The following ABL1 variants were observed in gnomAD, a reference collection of about 807,000 sequenced individuals.
ABL1 encodes the protein tyrosine-protein kinase ABL1.
In ABL1, 11 loss-of-function variants were observed where a neutral mutation model predicts 94.7. That is an observed-to-expected ratio of 0.12 (90% CI 0.07 to 0.19). The LOEUF (loss-of-function observed/expected upper bound fraction) is 0.19. Among genes scored for constraint, ABL1 ranks in the 10% least tolerant of loss-of-function variants. ABL1 has a pLI of 1.00. For missense variants in ABL1, 1,082 were observed against 1,489.4 expected (o/e 0.73, Z 4.50); for synonymous variants, 656 against 622.4 (o/e 1.05, Z -0.80).
chr9:130,822,079 C>T (rs957839693), intron 1 of ABL1, among the ~76,000 whole-genome samples: 1 of 152,086 alleles, frequency 6.6e-6, no homozygotes, highest in Non-Finnish European at 1.5e-5. Context: ...ACCTCGTGAT[C>T]TGCCTGCCTC....
rs542839622 is a variant in ABL1 at position 130,779,314 on chromosome 9, A to G, written c.136+64859A>G. 1.2e-3 allele frequency among the ~76,000 whole-genome samples: 180 copies of G among 152,364 alleles called. 2 individuals are homozygous for G. In the Middle Eastern group the frequency reaches 0.014, roughly 12 times the overall value. On this transcript the variant is annotated intron_variant, in intron 1 of 10. Transcript: ENST00000372348. Reference sequence around the variant, plus strand: ...CGAAGATCCACAGAGGGAGAAAGAAAGATACTGGAAAAGCAGCAGCACAGT... The same window carrying G: ...CGAAGATCCACAGAGGGAGAAAGAAGGATACTGGAAAAGCAGCAGCACAGT...
intron 1 of ABL1, among the ~76,000 whole-genome samples, chr9:130,756,526 C>G (rs941375289): frequency 6.6e-6 from 1 of 152,146 alleles, no homozygotes; most frequent in Non-Finnish European, 1.5e-5. Flanking sequence ...TATTCCAAGC[C>G]ACTGAGCTCT....
chr9:130,799,701 G>A (rs558220820), intron 1 of ABL1, among the ~76,000 whole-genome samples: 92 of 152,218 alleles, frequency 6.0e-4, no homozygotes, highest in African/African-American at 2.1e-3. Flanking sequence ...ATGATAAAGT[G>A]TGTAACTTAT....
Position 130,786,857 on chromosome 9 carries a change from A to G in ABL1, c.137-67207A>G, listed in dbSNP as rs74776242. ...TATAGTAACTTAATAAGTGAAAAAA[A>G]CATCTTGGACCAATAAGGATGGAAG... On this transcript the variant is annotated intron_variant, in intron 1 of 10. Transcript: ENST00000372348. 8.3e-3 allele frequency among the ~76,000 whole-genome samples: 1,268 copies of G among 152,350 alleles called. 20 individuals carry two copies. Among genetic ancestry groups the G allele is most frequent in the African/African-American group, 0.029 (1,200 of 41,578 alleles).
intron 1 of ABL1, among the ~76,000 whole-genome samples, chr9:130,717,654 G>C (rs975277334): frequency 6.7e-6 from 1 of 150,326 alleles, no homozygotes; most frequent in Non-Finnish European, 1.5e-5. Flanking sequence ...CGTGTCTCTG[G>C]GGGGTAAAAA....
chr9:130,871,131 G>A (rs1054993624), intron 4 of ABL1, among the ~76,000 whole-genome samples: 1 of 152,232 alleles, frequency 6.6e-6, no homozygotes, highest in African/African-American at 2.4e-5. Context: ...AAACTTGGAG[G>A]CATCTCGCTT....
intron 1 of ABL1, chr9:130,714,609 A>G: frequency 3.8e-6 from 4 of 1,060,570 alleles, no homozygotes; most frequent in South Asian, 1.3e-5. Context: ...CTTTCTTTGT[A>G]TAAGAAAAAG....
chr9:130,863,086 C>T lies in ABL1; in HGVS notation c.822+51C>T. ...CAGGGTACGTGGGGCAAGGCGTCTGCTGGCATTAGGCGATGCATCTGCCTG... is the reference window on the plus strand; with the variant it reads ...CAGGGTACGTGGGGCAAGGCGTCTGTTGGCATTAGGCGATGCATCTGCCTG... On this transcript the variant is annotated intron_variant, in intron 4 of 10. Coordinates refer to ENST00000318560, the MANE Select transcript of ABL1 (RefSeq NM_005157.6). The surrounding 1 kb of genome is among the most constrained non-coding windows in gnomAD (Gnocchi z 4.3). 6.5e-7 allele frequency: 1 copy of T among 1,528,036 alleles called. No homozygotes were observed. The highest frequency in any genetic ancestry group is 8.8e-7 in the Non-Finnish European group (1 of 1,134,206). 94.7% of individuals were successfully genotyped at this position (1,528,036 alleles called of 1,614,324 possible).
intron 1 of ABL1, among the ~76,000 whole-genome samples, chr9:130,846,185 G>T (rs1448427711): frequency 6.6e-6 from 1 of 152,020 alleles, no homozygotes; most frequent in Non-Finnish European, 1.5e-5. Context: ...GGACCATGTA[G>T]AAATAGATAA....
intron 4 of ABL1, among the ~76,000 whole-genome samples, chr9:130,867,137 T>C (rs1295725878): frequency 6.6e-6 from 1 of 152,248 alleles, no homozygotes; most frequent in Non-Finnish European, 1.5e-5. Context: ...ATTTACTACT[T>C]AAACAGTGGA....
At chr9:130,822,691 A>G (rs891263978) in intron 1 of ABL1, among the ~76,000 whole-genome samples, 2 of 151,116 alleles carry the variant, frequency 1.3e-5, no homozygotes, top group Non-Finnish European at 2.9e-5. Context: ...AGCCATTTGT[A>G]TTTCATCTTT....
At chr9:130,733,708 A>G (rs1831696456) in intron 1 of ABL1, among the ~76,000 whole-genome samples, 1 of 150,992 alleles carries the variant, frequency 6.6e-6, no homozygotes, top group Non-Finnish European at 1.5e-5. Context: ...CCTCCCGAGT[A>G]GCTGGGACTA....
intron 10 of ABL1, among the ~76,000 whole-genome samples, chr9:130,882,751 G>T (rs958699150): frequency 2.6e-5 from 4 of 152,106 alleles, no homozygotes; most frequent in African/African-American, 9.7e-5. Context: ...GGCCAGGATG[G>T]TCTCTATCTC....
chr9:130,880,578 A>G lies in ABL1; in HGVS notation c.1592A>G (p.Lys531Arg). The G allele has an allele frequency of 6.2e-7, 1 of 1,613,930 alleles. No homozygotes were observed. The highest frequency in any genetic ancestry group is 8.5e-7 in the Non-Finnish European group (1 of 1,179,908). ...CTGCAGGCCCCAGAGCTGCCCACCA[A>G]GACGAGGACCTCCAGGAGAGCTGCA... ...TLLQAPELPT[K>R]TRTSRRAAEH... is the part of the protein sequence containing the mutation. Residue 531 changes from lysine (K) to arginine (R), a missense_variant, in exon 10 of 11, where the codon AAG (lysine) becomes AGG (arginine). Physicochemically the swap from Lys to Arg is conservative, Grantham distance 26. Around this residue, in one of 7 missense-constraint regions of ABL1, gnomAD observed 780 missense variants for 835.8 expected, o/e 0.93. Transcript: ENST00000318560. The surrounding 1 kb of genome is among the most constrained non-coding windows in gnomAD (Gnocchi z 4.4).
At chr9:130,867,506 C>T (rs1291316484) in intron 4 of ABL1, among the ~76,000 whole-genome samples, 2 of 152,216 alleles carry the variant, frequency 1.3e-5, no homozygotes, top group Admixed American at 1.3e-4. Context: ...GGACCATGTG[C>T]ATTTATGGCC....
upstream of ABL1, among the ~76,000 whole-genome samples, chr9:130,832,129 T>A (rs1247400768): frequency 2.0e-5 from 3 of 147,830 alleles, no homozygotes; most frequent in Non-Finnish European, 4.5e-5. Flanking sequence ...TTCTAAATAT[T>A]TTTTTTTTTT....
intron 1 of ABL1, among the ~76,000 whole-genome samples, chr9:130,815,523 A>T (rs1830273349): frequency 6.6e-6 from 1 of 151,996 alleles, no homozygotes; most frequent in Non-Finnish European, 1.5e-5. Context: ...GTAACTTCAG[A>T]GTCTATCCAG....
chr9:130,783,653 TG>T (rs534930363), intron 1 of ABL1, among the ~76,000 whole-genome samples: 101 of 151,832 alleles, frequency 6.7e-4, no homozygotes, highest in East Asian at 2.3e-3. Context: ...TTTGTTTGTT[TG>T]TTTGTTTTTT....
chr9:130,815,512 C>T (rs565417961), intron 1 of ABL1, among the ~76,000 whole-genome samples: 4 of 152,162 alleles, frequency 2.6e-5, no homozygotes, highest in South Asian at 2.1e-4. Context: ...TTCAGGTAAC[C>T]GTAACTTCAG....
Sources: allele counts gnomAD v4.1 joint callset (sites outside exome capture counted in the v4.1 genomes callset), GRCh38; gene constraint gnomAD v4.1.1; regional missense constraint gnomAD v4.1.1; non-coding constraint Gnocchi (gnomAD v3.1); transcripts MANE v1.5; gene names NCBI Gene and HGNC (gene_info 2026-07-23, HGNC 2026-07-21).